The following STPG4 variants were observed in gnomAD, a reference collection of about 807,000 sequenced individuals.
The protein encoded by STPG4 is protein STPG4.
STPG4 carries 41 observed loss-of-function variants against 31.5 expected under a neutral mutation model. The ratio of observed to expected loss-of-function variants is 1.30; its 90% CI spans 1.01 to 1.69. The LOEUF is 1.69. Ranked by LOEUF, STPG4 falls within the 40% of genes most tolerant of loss-of-function variation. The pLI is 0.00. For missense variants in STPG4, 375 were observed against 293.4 expected, an observed-to-expected ratio of 1.28 and a Z score of -2.03; for synonymous variants, 141 against 103.0, an observed-to-expected ratio of 1.37 and a Z score of -2.24.
chr2:47,145,178 A>T (rs1292599235), intron 3 of STPG4, among the ~76,000 whole-genome samples: 15 of 152,240 alleles, frequency 9.9e-5, no homozygotes, highest in Admixed American at 9.8e-4. Context: ...ATTCAACAGA[A>T]CACAGCTGAG....
rs749299269 is a variant in STPG4 at position 47,130,305 on chromosome 2, A to C, written c.400-45T>G. ...ACACCAATAGATTAATAGAGGTTGT[A>C]AACTCACTTCGTTATCTGTCATTCG... On this transcript the variant is annotated intron_variant, in intron 3 of 6. Coordinates refer to ENST00000445927, the MANE Select transcript of STPG4 (RefSeq NM_001163561.2). 4.0e-6 allele frequency: 6 copies of C among 1,500,470 alleles called. No individual in the cohort carries two copies. The South Asian group carries it at 6.9e-5, about 17-fold the overall frequency. 92.9% of individuals were successfully genotyped at this position (1,500,470 alleles called of 1,614,324 possible). A position where few individuals can be genotyped will look rare whatever the true frequency, so the allele number is the denominator to read the frequency against.
rs988964637 is a variant in STPG4 at position 47,087,107 on chromosome 2, A to T, written c.648T>A (p.Tyr216Ter). Residue 216 changes from tyrosine to a stop codon, truncating the protein, a stop_gained, in exon 7 of 7, where the codon TAT becomes TAA. Transcript: ENST00000445927. LOFTEE classifies it high-confidence loss of function. ...GCTTAGGGAATTGTCTTAAAGTTGT[A>T]TATGCTCCTGGGCCTGGGGTTTTCT... The part of the protein sequence containing the change: ...SCSKTPGPGA[Y>*]TTLRQFPKQS... 1 of 1,551,818 alleles carries T rather than the reference A, an allele frequency of 6.4e-7. No individual in the cohort carries two copies. The highest frequency in any genetic ancestry group is 2.4e-5 in the East Asian group (1 of 40,922).
intron 3 of STPG4, among the ~76,000 whole-genome samples, chr2:47,137,130 T>C (rs1686612880): frequency 6.6e-6 from 1 of 152,244 alleles, no homozygotes; most frequent in African/African-American, 2.4e-5. Context: ...AGGTTTTTTG[T>C]AGATACTCTT....
intron 5 of STPG4, among the ~76,000 whole-genome samples, chr2:47,107,707 G>C (rs578117322): frequency 6.6e-6 from 1 of 152,186 alleles, no homozygotes; most frequent in African/African-American, 2.4e-5. Context: ...CTGCAGCCCT[G>C]GTGCGGGATC....
chr2:47,109,767 C>T (rs1293713580), intron 5 of STPG4, among the ~76,000 whole-genome samples: 2 of 152,060 alleles, frequency 1.3e-5, no homozygotes, highest in Admixed American at 1.3e-4. Flanking sequence ...TTTTCTGTTC[C>T]CCTTGGAATT....
rs573166454 is a variant in STPG4, at chr2:47,107,179, G to C, written c.520-16805C>G. 2.0e-5 allele frequency among the ~76,000 whole-genome samples: 3 copies of C among 152,196 alleles called. No individual in the cohort carries two copies. In the South Asian group the frequency reaches 6.2e-4, roughly 32 times the overall value. Reference sequence around the variant, plus strand: ...CTCTGCCTGGGCTCCCACTTTGGCGGCACTTAAGGAGCCCTTCAGCCCACC... The same window carrying C: ...CTCTGCCTGGGCTCCCACTTTGGCGCCACTTAAGGAGCCCTTCAGCCCACC... On this transcript the variant is annotated intron_variant, in intron 5 of 6. Coordinates refer to ENST00000445927, the MANE Select transcript of STPG4 (RefSeq NM_001163561.2).
chr2:47,096,973 G>A (rs932455071), intron 5 of STPG4, among the ~76,000 whole-genome samples: 2 of 152,128 alleles, frequency 1.3e-5, no homozygotes, highest in African/African-American at 2.4e-5. Flanking sequence ...GCCACGGGGA[G>A]AGGCAAGTGA....
chr2:47,120,541 T>G (rs1250560143), intron 5 of STPG4, among the ~76,000 whole-genome samples: 5 of 148,334 alleles, frequency 3.4e-5, no homozygotes, highest in African/African-American at 1.2e-4. Context: ...CACTCCAGCC[T>G]GGGCGAAAGA....
At chr2:47,106,363 C>T (rs35482349) in intron 5 of STPG4, among the ~76,000 whole-genome samples, 1 of 151,704 alleles carries the variant, frequency 6.6e-6, no homozygotes, top group Non-Finnish European at 1.5e-5. Flanking sequence ...AGCTCAAGTC[C>T]GTCAGCGCAG....
At chr2:47,120,208 G>A (rs563800938) in intron 5 of STPG4, among the ~76,000 whole-genome samples, 4 of 152,180 alleles carry the variant, frequency 2.6e-5, no homozygotes, top group Non-Finnish European at 5.9e-5. Context: ...GCCCACACCT[G>A]TAATCCCAGC....
At chr2:47,105,940 A>G (rs879696996) in intron 5 of STPG4, among the ~76,000 whole-genome samples, 22 of 152,058 alleles carry the variant, frequency 1.4e-4, no homozygotes, top group Non-Finnish European at 2.8e-4. Flanking sequence ...GCAAAAATAC[A>G]AAGAGGTGGG....
intron 1 of STPG4, among the ~76,000 whole-genome samples, chr2:47,154,003 C>T (rs766749989): frequency 2.6e-5 from 4 of 152,118 alleles, no homozygotes; most frequent in African/African-American, 4.8e-5. Flanking sequence ...CAGAACACAA[C>T]CGTTTAGTAT....
chr2:47,133,712 G>C (rs1686538446), intron 3 of STPG4, among the ~76,000 whole-genome samples: 3 of 150,296 alleles, frequency 2.0e-5, no homozygotes, highest in African/African-American at 4.9e-5. Flanking sequence ...TGAGTAGCTG[G>C]GATTACAGGC....
intron 5 of STPG4, among the ~76,000 whole-genome samples, chr2:47,108,981 G>A (rs10182137): frequency 0.049 from 7,421 of 152,270 alleles, 280 homozygotes; most frequent in Middle Eastern, 0.082. Context: ...AGTACCTAAC[G>A]TGCCAAGGTT....
At chr2:47,111,587 C>A (rs763451188) in intron 5 of STPG4, among the ~76,000 whole-genome samples, 3 of 152,000 alleles carry the variant, frequency 2.0e-5, no homozygotes, top group Non-Finnish European at 4.4e-5. Flanking sequence ...TTTGGTCTTG[C>A]AATTTGTGAG....
intron 5 of STPG4, among the ~76,000 whole-genome samples, chr2:47,100,238 G>A (rs915868681): frequency 6.6e-6 from 1 of 151,904 alleles, no homozygotes; most frequent in Admixed American, 6.5e-5. Flanking sequence ...TCTAGCTCAG[G>A]GATTGTAAAT....
At chr2:47,093,575 G>GC (rs1433217788) in intron 5 of STPG4, among the ~76,000 whole-genome samples, 2 of 152,156 alleles carry the variant, frequency 1.3e-5, no homozygotes, top group Non-Finnish European at 1.5e-5. Context: ...GGAGCGACCT[G>GC]CCCCTTTTCC....
intron 5 of STPG4, among the ~76,000 whole-genome samples, chr2:47,114,538 A>G (rs1686106003): frequency 1.3e-5 from 2 of 152,072 alleles, no homozygotes; most frequent in Non-Finnish European, 2.9e-5. Context: ...AAAATAAAAG[A>G]CTATGCATCG....
At chr2:47,129,613 A>C in intron 5 of STPG4, 1 of 247,998 alleles carries the variant, frequency 4.0e-6, no homozygotes, top group Admixed American at 5.0e-5. Context: ...CCTCTTCCCC[A>C]AGGGCAGATT....
Sources: allele counts gnomAD v4.1 joint callset (sites outside exome capture counted in the v4.1 genomes callset), GRCh38; gene constraint gnomAD v4.1.1; transcripts MANE v1.5; gene names NCBI Gene and HGNC (gene_info 2026-07-23, HGNC 2026-07-21).